MDN1: variants seen among roughly 807,000 people sequenced by gnomAD.
MDN1 encodes the protein midasin.
A neutral mutation model predicts 669.2 loss-of-function variants in MDN1; 266 were observed. The observed-to-expected ratio is 0.40, with a 90% CI of 0.36 to 0.44. MDN1 has a LOEUF of 0.44. Among genes scored for constraint, MDN1 ranks in the 20% least tolerant of loss-of-function variants. The pLI is 1.00. For synonymous variants in MDN1, 2,385 were observed against 2,457.1 expected, an observed-to-expected ratio of 0.97 and a Z score of 0.87; for missense variants, 5,940 against 6,754.0, an observed-to-expected ratio of 0.88 and a Z score of 4.22.
chr6:89,730,995 T>G, intron 34 of MDN1, 72 bp from the exon 35 acceptor site: 520 of 1,337,852 alleles, frequency 3.9e-4, no homozygotes, highest in Non-Finnish European at 5.0e-4. Context: ...GCAGGAGCTC[T>G]AGCACAGGTT....
At chr6:89,707,913 A>G (rs977314338) in intron 51 of MDN1, among the ~76,000 whole-genome samples, 1 of 152,320 alleles carries the variant, frequency 6.6e-6, no homozygotes, top group Middle Eastern at 3.4e-3. Flanking sequence ...TATGTCTCCA[A>G]CATTTGAGGA....
At chr6:89,812,985 G>A (rs1768540877) in intron 1 of MDN1, among the ~76,000 whole-genome samples, 1 of 151,682 alleles carries the variant, frequency 6.6e-6, no homozygotes, top group Non-Finnish European at 1.5e-5. Flanking sequence ...TTGTTGCCCA[G>A]GCTGGAGTGC....
At chr6:89,682,033 A>T (rs1811643698) in intron 73 of MDN1, among the ~76,000 whole-genome samples, 2 of 152,226 alleles carry the variant, frequency 1.3e-5, no homozygotes, top group Non-Finnish European at 2.9e-5. Flanking sequence ...TCCATTCTGT[A>T]ACAGACCTGC....
At chr6:89,702,906 A>G (rs1296734038) in intron 53 of MDN1, among the ~76,000 whole-genome samples, 1 of 150,796 alleles carries the variant, frequency 6.6e-6, no homozygotes, top group African/African-American at 2.4e-5. Context: ...TGTTGAGGTA[A>G]CTACATATAA....
intron 20 of MDN1, 145 bp from the exon 21 acceptor site, chr6:89,754,375 G>T: frequency 1.3e-6 from 1 of 775,060 alleles, no homozygotes; most frequent in Non-Finnish European, 2.0e-6. Flanking sequence ...AAATATCTTA[G>T]TCTCTTTTAA....
chr6:89,680,557 G>T, intron 74 of MDN1, 32 bp downstream of exon 74: 1 of 1,603,320 alleles, frequency 6.2e-7, no homozygotes, highest in Non-Finnish European at 8.5e-7. Context: ...AAAACAGAAA[G>T]ATCCACCCTT....
chr6:89,696,959 G>C (rs1193000509), intron 59 of MDN1, among the ~76,000 whole-genome samples: 1 of 152,200 alleles, frequency 6.6e-6, no homozygotes, highest in East Asian at 1.9e-4. Flanking sequence ...TAGACTGTTA[G>C]ATGGGACACA....
intron 14 of MDN1, 126 bp downstream of exon 14, chr6:89,772,447 G>A: frequency 1.0e-6 from 1 of 986,960 alleles, no homozygotes. Context: ...TTTCCAGGCA[G>A]AGATTACATG....
At position 89,677,664 on chromosome 6, in the gene MDN1, G is replaced by C; in HGVS notation, c.12445C>G (p.Arg4149Gly). ...LSYRKGLAWARSKNPQEMLHL... is the reference protein window; with the variant it reads ...LSYRKGLAWAGSKNPQEMLHL... ...AGCATCTCTTGAGGGTTTTTTGAAC[G>C]GGCCCAAGCAAGACCTTTGCGATAC... Residue 4149 changes from arginine to glycine, a missense_variant, in exon 76 of 102, where the codon CGT becomes GGT. Arg to Gly is a moderately radical substitution (Grantham distance 125). This residue lies in a region of MDN1 where 2,280 missense variants were observed against 2,576.3 expected (regional missense o/e 0.88). Coordinates refer to ENST00000369393, the MANE Select transcript of MDN1 (RefSeq NM_014611.3). 6.2e-7 allele frequency: 1 copy of C among 1,614,074 alleles called. No individual in the cohort carries two copies. The highest frequency in any genetic ancestry group is 8.5e-7 in the Non-Finnish European group (1 of 1,180,006).
chr6:89,647,627 G>T (rs1242703078), intron 99 of MDN1, among the ~76,000 whole-genome samples: 1 of 152,148 alleles, frequency 6.6e-6, no homozygotes, highest in Non-Finnish European at 1.5e-5. Flanking sequence ...TGGTACACAG[G>T]CTGAGGTTTG....
In MDN1 at chr6:89,685,786, T is replaced by C. The variant is rs943696508; in HGVS notation, c.11719+41A>G. 4 of 1,600,338 alleles carry C rather than the reference T, an allele frequency of 2.5e-6. No homozygotes were observed. In the African/African-American group the frequency reaches 4.0e-5, roughly 16 times the overall value. On this transcript the variant is annotated intron_variant, in intron 70 of 101. Coordinates refer to ENST00000369393, the MANE Select transcript of MDN1 (RefSeq NM_014611.3). ...AGAGAATTCAAAGCCTAACTCATTT[T>C]AGTCGTGCAATGTCAAAGGAAAGGA...
At chr6:89,733,228 T>C (rs1424022610) in intron 33 of MDN1, among the ~76,000 whole-genome samples, 1 of 152,144 alleles carries the variant, frequency 6.6e-6, no homozygotes, top group Non-Finnish European at 1.5e-5. Flanking sequence ...TCAAGTTTTT[T>C]TCTTTTTTCT....
chr6:89,735,588 T>A (rs1451003262), intron 33 of MDN1, among the ~76,000 whole-genome samples: 1 of 152,128 alleles, frequency 6.6e-6, no homozygotes, highest in Non-Finnish European at 1.5e-5. Context: ...ATAATATTAC[T>A]ACAGAGATTT....
At chr6:89,666,542 CG>C (rs1810255280) in intron 84 of MDN1, among the ~76,000 whole-genome samples, 1 of 152,088 alleles carries the variant, frequency 6.6e-6, no homozygotes, top group Non-Finnish European at 1.5e-5. Context: ...TATGTTGCCC[CG>C]GCTGGTCTCA....
intron 89 of MDN1, 53 bp from the exon 90 acceptor site, chr6:89,658,423 G>C (rs1325875908): frequency 6.2e-7 from 1 of 1,606,232 alleles, no homozygotes; most frequent in African/African-American, 1.3e-5. Context: ...AACAGCATAA[G>C]GTGGGAGACC....
At chr6:89,658,175 G>A (rs371680683) in intron 90 of MDN1, 34 bp downstream of exon 90, 59 of 1,611,778 alleles carry the variant, frequency 3.7e-5, no homozygotes, top group Admixed American at 5.0e-5. Flanking sequence ...CCTACTAAGA[G>A]GCAGCTGGCG....
At chr6:89,706,795 A>G (rs892924669) in intron 52 of MDN1, among the ~76,000 whole-genome samples, 2 of 152,194 alleles carry the variant, frequency 1.3e-5, no homozygotes, top group Non-Finnish European at 2.9e-5. Context: ...AACTAAGTAC[A>G]TATGTTTAGA....
Position 89,743,405 on chromosome 6 carries a change from A to G in MDN1, c.4318-125T>C, listed in dbSNP as rs930286009. 6.5e-6 allele frequency: 9 copies of G among 1,391,704 alleles called. No homozygotes were observed. In the African/African-American group the frequency reaches 1.0e-4, roughly 16 times the overall value. The allele number at this position is 1,391,704 out of a possible 1,614,324, so 86.2% of individuals were successfully genotyped here. A position where few individuals can be genotyped will look rare whatever the true frequency, so the allele number is the denominator to read the frequency against. On this transcript the variant is annotated intron_variant, in intron 30 of 101. Transcript: ENST00000369393. ...AGGAAAGTAAGAATCTGAGAACAGG[A>G]GATAGAACTTGCACACCAGAATGCT... is the stretch of plus-strand genomic sequence containing the variant.
intron 11 of MDN1, among the ~76,000 whole-genome samples, 171 bp from the exon 12 acceptor site, chr6:89,776,866 T>C (rs1562207421): frequency 6.6e-6 from 1 of 152,092 alleles, no homozygotes; most frequent in Non-Finnish European, 1.5e-5. Context: ...GACCTGACCA[T>C]AATGGAAAGA....
Sources: gnomAD v4.1 joint callset for allele counts (sites outside exome capture counted in the v4.1 genomes callset) on GRCh38, gnomAD v4.1.1 for gene constraint, gnomAD v4.1.1 regional missense constraint, MANE v1.5 for transcripts, NCBI Gene and HGNC (gene_info 2026-07-23, HGNC 2026-07-21) for gene names.